The following PPFIA1 variants were observed in gnomAD, a reference collection of about 807,000 sequenced individuals.
PPFIA1 encodes the protein PPFI scaffold protein A1.
PPFIA1 carries 25 observed loss-of-function variants against 149.9 expected under a neutral mutation model. The observed-to-expected ratio is 0.17, with a 90% CI of 0.12 to 0.23. The LOEUF is 0.23. PPFIA1 is among the 10% of genes least tolerant of loss of function. The pLI, the probability that PPFIA1 is intolerant of heterozygous loss-of-function variation, is 1.00. For synonymous variants in PPFIA1, 549 were observed against 552.8 expected (o/e 0.99, Z 0.10); for missense variants, 1,362 against 1,506.5 (o/e 0.90, Z 1.59).
At chr11:70,371,885 T>C (rs2057284684) in intron 21 of PPFIA1, 1 of 174,504 alleles carries the variant, frequency 5.7e-6, no homozygotes, top group Admixed American at 5.9e-5. Flanking sequence ...AACTTGTTCA[T>C]GAGTCGTGAT....
At chr11:70,352,256 T>C (rs1377247474) in intron 16 of PPFIA1, among the ~76,000 whole-genome samples, 2 of 152,150 alleles carry the variant, frequency 1.3e-5, no homozygotes, top group Non-Finnish European at 2.9e-5. Context: ...TTTACTCTCC[T>C]GAGAAGTGAA....
At chr11:70,372,601 G>A (rs762350755) in intron 23 of PPFIA1, 27 bp downstream of exon 23, 4 of 1,553,230 alleles carry the variant, frequency 2.6e-6, no homozygotes, top group African/African-American at 1.4e-5. Context: ...TAATTGATTC[G>A]GTTTACTCCT....
At chr11:70,314,272 G>C (rs1396115926) in intron 2 of PPFIA1, among the ~76,000 whole-genome samples, 1 of 152,202 alleles carries the variant, frequency 6.6e-6, no homozygotes, top group African/African-American at 2.4e-5. Flanking sequence ...AGGAGAGGTG[G>C]TGAGTGCCAT....
At position 70,272,373 on chromosome 11, in the gene PPFIA1, G is replaced by A. The variant is rs746280559; in HGVS notation, c.201G>A (p.Lys67=). The part of the protein sequence containing the change: ...TQETLALTQG[K]LHEVGHERDS... ...AAACGCTGGCCTTAACCCAGGGGAA[G>A]TTACACGAGGTTGGTCATGAAAGAG... Residue 67 remains lysine, a synonymous_variant, in exon 2 of 28, where the codon AAG becomes AAA. Transcript: ENST00000253925. 1 of 1,614,222 alleles carries A rather than the reference G, an allele frequency of 6.2e-7. No individual in the cohort carries two copies.
chr11:70,296,924 G>A (rs1427440685), intron 2 of PPFIA1, among the ~76,000 whole-genome samples: 3 of 152,276 alleles, frequency 2.0e-5, no homozygotes, highest in Middle Eastern at 3.4e-3. Flanking sequence ...ACTGTGAGAC[G>A]TGCCTCACAG....
intron 21 of PPFIA1, among the ~76,000 whole-genome samples, chr11:70,366,272 T>G (rs2056931373): frequency 6.6e-6 from 1 of 152,222 alleles, no homozygotes; most frequent in East Asian, 1.9e-4. Context: ...CTTCTGAGAT[T>G]ATGTATGTAA....
chr11:70,347,331 A>G (rs1340244158), intron 15 of PPFIA1, among the ~76,000 whole-genome samples: 2 of 152,236 alleles, frequency 1.3e-5, no homozygotes, highest in East Asian at 1.9e-4. Context: ...AAGTAAAATC[A>G]AATGTTAATG....
chr11:70,339,469 A>C (rs1264413945), intron 14 of PPFIA1, among the ~76,000 whole-genome samples, 163 bp downstream of exon 14: 1 of 152,068 alleles, frequency 6.6e-6, no homozygotes, highest in African/African-American at 2.4e-5. Context: ...AGCATTTTTT[A>C]AAATAGGGTT....
At chr11:70,335,027 ATTAT>A (rs1234889596) in intron 10 of PPFIA1, among the ~76,000 whole-genome samples, 2 of 152,270 alleles carry the variant, frequency 1.3e-5, no homozygotes, top group Admixed American at 6.5e-5. Context: ...ACTTAAGGTA[ATTAT>A]TTATAATTTT....
At chr11:70,294,799 TC>T (rs1174626689) in intron 2 of PPFIA1, among the ~76,000 whole-genome samples, 3 of 151,794 alleles carry the variant, frequency 2.0e-5, no homozygotes, top group Non-Finnish European at 2.9e-5. Flanking sequence ...ACAAAGCACA[TC>T]TTGCACTGCC....
At chr11:70,334,422 C>T (rs1409863062) in intron 10 of PPFIA1, 3 of 152,240 alleles carry the variant, frequency 2.0e-5, no homozygotes, top group Admixed American at 6.5e-5. Context: ...ACGATTCCGA[C>T]TCCCAGTGAG....
intron 2 of PPFIA1, among the ~76,000 whole-genome samples, chr11:70,292,027 C>T (rs1324862564): frequency 2.0e-5 from 3 of 151,908 alleles, no homozygotes; most frequent in Middle Eastern, 6.8e-3. Flanking sequence ...TTAGTAGAGA[C>T]GGGGTTTCAC....
chr11:70,286,754 C>CTTTTTT (rs957912008), intron 2 of PPFIA1, among the ~76,000 whole-genome samples: 16 of 124,006 alleles, frequency 1.3e-4, no homozygotes, highest in Non-Finnish European at 2.1e-4. Context: ...TTCTTTCTTT[C>CTTTTTT]TTTTTTTTTT....
At chr11:70,362,544 G>A in intron 21 of PPFIA1, 56 bp downstream of exon 21, 1 of 1,503,402 alleles carries the variant, frequency 6.7e-7, no homozygotes, top group Non-Finnish European at 9.0e-7. Context: ...CTCTCTGAAG[G>A]TATCACTGCC....
intron 5 of PPFIA1, among the ~76,000 whole-genome samples, 164 bp from the exon 6 acceptor site, chr11:70,326,098 C>T (rs55758686): frequency 0.22 from 33,230 of 152,076 alleles, 5,521 homozygotes; most frequent in African/African-American, 0.46. Context: ...ATTCCATCTT[C>T]AATGATCTGG....
intron 2 of PPFIA1, among the ~76,000 whole-genome samples, chr11:70,323,086 A>C (rs2054046572): frequency 6.6e-6 from 1 of 152,186 alleles, no homozygotes; most frequent in South Asian, 2.1e-4. Context: ...CTGCAGCAAG[A>C]ATTCTCCAGC....
At chr11:70,330,105 T>C in intron 7 of PPFIA1, 68 bp from the exon 8 acceptor site, 1 of 1,402,738 alleles carries the variant, frequency 7.1e-7, no homozygotes, top group South Asian at 1.3e-5. Context: ...TTTTTTTCTC[T>C]CTTAAGTATC....
At chr11:70,295,655 T>C (rs2051913697) in intron 2 of PPFIA1, among the ~76,000 whole-genome samples, 1 of 123,536 alleles carries the variant, frequency 8.1e-6, no homozygotes, top group Non-Finnish European at 1.7e-5. Flanking sequence ...GCCCCTCACC[T>C]CCCGGACGGG....
intron 7 of PPFIA1, among the ~76,000 whole-genome samples, chr11:70,328,099 T>C (rs1031018329): frequency 2.0e-5 from 3 of 152,248 alleles, no homozygotes; most frequent in African/African-American, 7.2e-5. Flanking sequence ...ATTTTAACTT[T>C]TAAGTTTGGG....
Sources: gnomAD v4.1 joint callset for allele counts (sites outside exome capture counted in the v4.1 genomes callset) on GRCh38, gnomAD v4.1.1 for gene constraint, MANE v1.5 for transcripts, NCBI Gene and HGNC (gene_info 2026-07-23, HGNC 2026-07-21) for gene names.